The following MTA3 variants were observed in gnomAD, a reference collection of about 807,000 sequenced individuals.
MTA3 encodes metastasis-associated protein MTA3.
MTA3 carries 34 observed loss-of-function variants against 83.5 expected under a neutral mutation model. That is an observed-to-expected ratio of 0.41 (90% CI 0.31 to 0.54). MTA3 has a LOEUF of 0.54. MTA3 is among the 20% of genes least tolerant of loss of function. The probability of loss-of-function intolerance (pLI) is 0.33; values close to 1 mark genes in which losing one functional copy is unlikely to be tolerated. For synonymous variants in MTA3, 303 were observed against 252.7 expected, an observed-to-expected ratio of 1.20 and a Z score of -1.89; for missense variants, 761 against 726.4, an observed-to-expected ratio of 1.05 and a Z score of -0.55.
In MTA3 at chr2:42,729,086, GTTTTTTTTTTTTT is replaced by G. The variant is rs1216600680; in HGVS notation, c.1759+6066_1759+6078del. 3.5e-4 allele frequency among the ~76,000 whole-genome samples: 21 copies of G among 60,132 alleles called. No individual in the cohort carries two copies. In the South Asian group the frequency reaches 0.015, roughly 42 times the overall value. The allele number at this position is 60,132 out of a possible 152,430, so 39.4% of individuals were successfully genotyped here. The stretch of plus-strand genomic sequence containing the variant: ...TTCTTTTATTAGTTTCACAGTTTGA[GTTTTTTTTTTTTT>G]TTTTTTTTTTTTTTCACAGAGTCAT... On this transcript the variant is annotated intron_variant, in intron 16 of 16. Coordinates refer to ENST00000405094, the MANE Select transcript of MTA3 (RefSeq NM_001330442.2).
At chr2:42,526,243 GT>G (rs1333593348) in intron 2 of MTA3, among the ~76,000 whole-genome samples, 1 of 149,716 alleles carries the variant, frequency 6.7e-6, no homozygotes, top group African/African-American at 2.5e-5. Flanking sequence ...TTTAGTTTTT[GT>G]TTTTGAGACA....
chr2:42,553,806 A>G (rs1207198806), intron 2 of MTA3, among the ~76,000 whole-genome samples: 1 of 145,934 alleles, frequency 6.9e-6, no homozygotes, highest in Non-Finnish European at 1.5e-5. Flanking sequence ...TGAAATGAGT[A>G]CCTGAAATGA....
At chr2:42,640,284 A>G (rs367844910) in intron 5 of MTA3, 48 bp downstream of exon 5, 70 of 1,295,404 alleles carry the variant, frequency 5.4e-5, no homozygotes, top group South Asian at 9.3e-5. Context: ...TTTATTTCAC[A>G]TGAAGCTCTT....
chr2:42,622,375 C>A (rs1040507295), intron 4 of MTA3, among the ~76,000 whole-genome samples: 1 of 107,616 alleles, frequency 9.3e-6, no homozygotes, highest in Non-Finnish European at 1.7e-5. Context: ...AGCTTCGGCT[C>A]GGCATGAGAG....
At chr2:42,745,824 C>CTTTTTTCTTTTTTTTTTTT (rs1669368217) in intron 16 of MTA3, among the ~76,000 whole-genome samples, 1 of 119,372 alleles carries the variant, frequency 8.4e-6, no homozygotes, top group African/African-American at 3.2e-5. Context: ...AAATAGTCCT[C>CTTTTTTCTTTTTTTTTTTT]TTTTTTTTGA....
At chr2:42,626,016 C>T (rs1200171481) in intron 4 of MTA3, among the ~76,000 whole-genome samples, 1 of 146,542 alleles carries the variant, frequency 6.8e-6, no homozygotes, top group Non-Finnish European at 1.5e-5. Context: ...AATCTCGGCT[C>T]ACTGCAAGCT....
intron 9 of MTA3, among the ~76,000 whole-genome samples, chr2:42,690,204 A>G (rs1034179608): frequency 1.3e-5 from 2 of 152,220 alleles, no homozygotes; most frequent in African/African-American, 4.8e-5. Context: ...AGCGTGCATC[A>G]TTAATTTGAA....
In MTA3 at chr2:42,659,798, G is replaced by A; in HGVS notation, c.638G>A (p.Ser213Asn). ...VGTFARALDCSSSVRQPSLHM... is the reference protein window; with the variant it reads ...VGTFARALDCNSSVRQPSLHM... ...ACATTCGCCAGAGCCCTGGATTGCA[G>A]CAGTTCTGTGAGGCAGCCTAGTTTG... The change falls in exon 8 of 17, where the codon AGC becomes AAC. Residue 213 changes from serine to asparagine, a missense_variant. Ser to Asn is a conservative substitution (Grantham distance 46, BLOSUM62 1). Transcript: ENST00000405094. 6.2e-7 allele frequency: 1 copy of A among 1,608,340 alleles called. No individual in the cohort carries two copies.
chr2:42,535,239 T>C (rs960602894), intron 2 of MTA3, among the ~76,000 whole-genome samples: 2 of 151,608 alleles, frequency 1.3e-5, no homozygotes, highest in East Asian at 1.9e-4. Context: ...ATACAAAAAT[T>C]AGCCAGGCAT....
At chr2:42,599,866 G>A (rs760305657) in intron 3 of MTA3, among the ~76,000 whole-genome samples, 1 of 152,016 alleles carries the variant, frequency 6.6e-6, no homozygotes, top group Non-Finnish European at 1.5e-5. Flanking sequence ...TCTCTATACA[G>A]TTAGGGAAAT....
chr2:42,748,928 C>T lies in MTA3; in HGVS notation c.1760-4446C>T, dbSNP rs78872562. 6.8e-3 allele frequency among the ~76,000 whole-genome samples: 1,041 copies of T among 152,266 alleles called. 4 individuals are homozygous for T. The highest frequency in any genetic ancestry group is 0.023 in the African/African-American group (936 of 41,558). ...TTAAGCCTCACATATTTCAATTTTG[C>T]CCTTAGTCCGATGGGATTTCAATGG... is the stretch of plus-strand genomic sequence containing the variant. On this transcript the variant is annotated intron_variant, in intron 16 of 16. Transcript: ENST00000405094.
In MTA3 at chr2:42,672,414, G is replaced by A. The variant is rs189557742; in HGVS notation, c.703-9987G>A. Among the ~76,000 whole-genome samples, 432 of 151,232 alleles carry A rather than the reference G, an allele frequency of 2.9e-3. 1 individual carries two copies. The highest frequency in any genetic ancestry group is 9.9e-3 in the African/African-American group (407 of 41,218). ...TCCTAGCACTCTGGGAGGCCGAGGC[G>A]GGTGGATCACTTGAGGCTAGGAGTT... On this transcript the variant is annotated intron_variant, in intron 8 of 16. Transcript: ENST00000405094.
intron 2 of MTA3, among the ~76,000 whole-genome samples, chr2:42,524,472 GTTTTTT>G (rs58288129): frequency 5.7e-5 from 4 of 70,668 alleles, no homozygotes; most frequent in African/African-American, 2.3e-4. Context: ...GGCTAGTTGT[GTTTTTT>G]TTTTTTTTTT....
intron 15 of MTA3, among the ~76,000 whole-genome samples, chr2:42,720,560 C>G (rs1159004117): frequency 2.0e-5 from 3 of 152,062 alleles, no homozygotes; most frequent in African/African-American, 7.2e-5. Flanking sequence ...GTACACATGA[C>G]CTACGTAATG....
intron 2 of MTA3, among the ~76,000 whole-genome samples, chr2:42,555,407 A>T (rs549211457): frequency 8.0e-6 from 1 of 125,154 alleles, no homozygotes; most frequent in African/African-American, 3.1e-5. Context: ...GTAAGCTGAG[A>T]TTGCACCATT....
chr2:42,686,120 C>T (rs1692342330), intron 9 of MTA3, among the ~76,000 whole-genome samples: 2 of 152,132 alleles, frequency 1.3e-5, no homozygotes, highest in African/African-American at 2.4e-5. Context: ...GGTTTCATCC[C>T]ACTACCCAAA....
At chr2:42,685,906 A>C (rs1022094368) in intron 9 of MTA3, among the ~76,000 whole-genome samples, 4 of 152,222 alleles carry the variant, frequency 2.6e-5, no homozygotes, top group Non-Finnish European at 4.4e-5. Flanking sequence ...AAATGCAAAT[A>C]ATGTTATTTC....
At chr2:42,575,782 G>A (rs1185310261) in intron 2 of MTA3, among the ~76,000 whole-genome samples, 1 of 152,072 alleles carries the variant, frequency 6.6e-6, no homozygotes, top group Non-Finnish European at 1.5e-5. Context: ...TAAATTATTG[G>A]GTTGCACATC....
At chr2:42,549,606 ATAAT>A (rs1677010157) in intron 2 of MTA3, among the ~76,000 whole-genome samples, 1 of 120,678 alleles carries the variant, frequency 8.3e-6, no homozygotes, top group South Asian at 2.2e-4. Context: ...ATATACATAT[ATAAT>A]ATATAATATA....
Sources: gnomAD v4.1 joint callset for allele counts (sites outside exome capture counted in the v4.1 genomes callset) on GRCh38, gnomAD v4.1.1 for gene constraint, MANE v1.5 for transcripts, NCBI Gene and HGNC (gene_info 2026-07-23, HGNC 2026-07-21) for gene names.